The following DCUN1D1 variants were observed in gnomAD, a reference collection of about 807,000 sequenced individuals.
The protein encoded by DCUN1D1 is defective in cullin neddylation 1 domain containing 1, also known as DCN1-like protein 1.
Under a neutral mutation model 39.0 loss-of-function variants are expected in DCUN1D1, and 3 were observed. The ratio of observed to expected loss-of-function variants is 0.08; its 90% CI spans 0.04 to 0.20. The LOEUF (loss-of-function observed/expected upper bound fraction) is 0.20, where lower values mean the gene tolerates loss of function less well. DCUN1D1 is among the 10% of genes least tolerant of loss of function. The pLI, the probability that DCUN1D1 is intolerant of heterozygous loss-of-function variation, is 1.00. For synonymous variants in DCUN1D1, 82 were observed against 96.3 expected, an observed-to-expected ratio of 0.85 and a Z score of 0.87; for missense variants, 158 against 302.4, an observed-to-expected ratio of 0.52 and a Z score of 3.54.
At chr3:182,969,121 A>C (rs1467917161) in intron 1 of DCUN1D1, among the ~76,000 whole-genome samples, 1 of 152,132 alleles carries the variant, frequency 6.6e-6, no homozygotes, top group Non-Finnish European at 1.5e-5. Flanking sequence ...TTACACTTAC[A>C]ATGCACTCTT....
intron 1 of DCUN1D1, among the ~76,000 whole-genome samples, chr3:182,976,368 C>CT (rs1318623737): frequency 6.6e-6 from 1 of 151,716 alleles, no homozygotes; most frequent in East Asian, 1.9e-4. Flanking sequence ...CCACCCATGC[C>CT]TACCCCCACT....
chr3:182,940,063 TAA>T lies in DCUN1D1; in HGVS notation c.*5029_*5030del, dbSNP rs1367306904. ...TGATTAAATATTGCTCTTTTAGCTA[TAA>T]GTCATGTAATTATGTGACAAAATCA... On this transcript the variant is annotated 3_prime_UTR_variant, in exon 7 of 7. Transcript: ENST00000292782. 6.6e-6 allele frequency: 1 copy of T among 152,214 alleles called. No homozygotes were observed. The highest frequency in any genetic ancestry group is 1.9e-4 in the East Asian group (1 of 5,202). 9.4% of individuals were successfully genotyped at this position (152,214 alleles called of 1,614,324 possible). A position where few individuals can be genotyped will look rare whatever the true frequency, so the allele number is the denominator to read the frequency against.
At chr3:182,972,898 C>T (rs1272386095) in intron 1 of DCUN1D1, among the ~76,000 whole-genome samples, 1 of 152,016 alleles carries the variant, frequency 6.6e-6, no homozygotes, top group Non-Finnish European at 1.5e-5. Context: ...CAAAATTAGC[C>T]GGGCATGGTG....
chr3:182,953,140 C>A (rs1726843128), intron 4 of DCUN1D1, among the ~76,000 whole-genome samples: 2 of 152,198 alleles, frequency 1.3e-5, no homozygotes, highest in South Asian at 4.1e-4. Flanking sequence ...AATGTGCATT[C>A]ATTCTTCAAG....
chr3:182,980,540 G>A, upstream of DCUN1D1: 1 of 1,222,590 alleles, frequency 8.2e-7, no homozygotes. Context: ...GCAGCGAATG[G>A]ACGGCGGCGG....
upstream of DCUN1D1, chr3:182,980,556 G>A: frequency 3.3e-6 from 4 of 1,200,870 alleles, no homozygotes; most frequent in Non-Finnish European, 4.2e-6. Flanking sequence ...GGCGGCGGCG[G>A]CGGCTCCTCT....
intron 1 of DCUN1D1, among the ~76,000 whole-genome samples, chr3:182,972,476 C>A (rs558316624): frequency 3.3e-5 from 5 of 152,226 alleles, no homozygotes; most frequent in African/African-American, 9.6e-5. Context: ...GAAATTAACT[C>A]CTTTTTAAGA....
chr3:182,960,287 A>T (rs1727317181), intron 4 of DCUN1D1, among the ~76,000 whole-genome samples: 1 of 152,206 alleles, frequency 6.6e-6, no homozygotes, highest in Non-Finnish European at 1.5e-5. Flanking sequence ...CTCCAAAAAA[A>T]AAAATAAAAA....
chr3:182,963,881 C>A lies in DCUN1D1; in HGVS notation c.389G>T (p.Gly130Val). The A allele has an allele frequency of 5.6e-6, 9 of 1,606,444 alleles. No individual in the cohort carries two copies. The highest frequency in any genetic ancestry group is 6.8e-6 in the Non-Finnish European group (8 of 1,174,764). Residue 130 changes from glycine (G) to valine (V), a missense_variant and splice_region_variant, in exon 3 of 7, where the codon GGA becomes GTA. Around this residue, in one of 4 missense-constraint regions of DCUN1D1, gnomAD observed 107 missense variants for 174.7 expected, o/e 0.61. Transcript: ENST00000292782. ...TTTCCTATTGTAATTATATACTCAC[C>A]CTAATTCTGTCATGCCATCCATGAA... Reference protein sequence around the residue: ...QEFMDGMTELGCDSIEKLKAQ... With the variant: ...QEFMDGMTELVCDSIEKLKAQ...
chr3:182,985,696 C>T (rs992027386), intron 1 of DCUN1D1: 1 of 152,078 alleles, frequency 6.6e-6, no homozygotes, highest in Non-Finnish European at 1.5e-5. Context: ...CTTATCAGAA[C>T]GAAGGGGTAC....
chr3:182,974,866 CTA>C (rs1728139163), intron 1 of DCUN1D1, among the ~76,000 whole-genome samples: 1 of 151,224 alleles, frequency 6.6e-6, no homozygotes, highest in South Asian at 2.1e-4. Context: ...TAATAAAAGA[CTA>C]TTTCAGTGAT....
chr3:182,957,523 G>C (rs1467794926), intron 4 of DCUN1D1, among the ~76,000 whole-genome samples: 1 of 152,086 alleles, frequency 6.6e-6, no homozygotes, highest in Non-Finnish European at 1.5e-5. Context: ...CTACTCCGGA[G>C]GCAGAGGCAG....
At chr3:182,983,908 T>C (rs1432020663), upstream of DCUN1D1, among the ~76,000 whole-genome samples, 1 of 152,146 alleles carries the variant, frequency 6.6e-6, no homozygotes, top group Non-Finnish European at 1.5e-5. Context: ...TAGGCAAGTT[T>C]CTCCCCACAC....
upstream of DCUN1D1, among the ~76,000 whole-genome samples, chr3:182,981,444 G>A (rs1728547466): frequency 6.6e-6 from 1 of 152,232 alleles, no homozygotes; most frequent in Non-Finnish European, 1.5e-5. Flanking sequence ...TGAGGATCAA[G>A]TGGACAAATT....
intron 1 of DCUN1D1, among the ~76,000 whole-genome samples, chr3:182,972,942 T>C (rs897806805): frequency 2.0e-5 from 3 of 151,994 alleles, no homozygotes; most frequent in Admixed American, 2.0e-4. Context: ...CTCAGGAGGC[T>C]GAGGCAGGAA....
chr3:182,978,393 A>T (rs898122648), intron 1 of DCUN1D1, among the ~76,000 whole-genome samples: 5 of 151,866 alleles, frequency 3.3e-5, no homozygotes, highest in African/African-American at 7.3e-5. Flanking sequence ...CTTTCTTATT[A>T]TTTTTTTTAA....
In DCUN1D1 at chr3:182,947,365, G is replaced by T. The variant is rs776120432; in HGVS notation, c.604-31C>A. On this transcript the variant is annotated intron_variant, in intron 5 of 6. Coordinates refer to ENST00000292782, the MANE Select transcript of DCUN1D1 (RefSeq NM_020640.4). ...TAAAAAACAAAAACAAAATACATTT[G>T]TATCACTAAAAAGAGCTGCACAAAA... The T allele has an allele frequency of 2.8e-6, 4 of 1,445,024 alleles. No individual in the cohort carries two copies. In the East Asian group the frequency reaches 9.2e-5, roughly 33 times the overall value. 89.5% of individuals were successfully genotyped at this position (1,445,024 alleles called of 1,614,324 possible).
chr3:182,980,754 G>T, upstream of DCUN1D1: 1 of 177,258 alleles, frequency 5.6e-6, no homozygotes. Context: ...GGGGAGGGGC[G>T]GGCGACGCAA....
At chr3:182,983,315 TACTA>T (rs1728619486), upstream of DCUN1D1, among the ~76,000 whole-genome samples, 1 of 152,218 alleles carries the variant, frequency 6.6e-6, no homozygotes, top group Non-Finnish European at 1.5e-5. Flanking sequence ...CTGCGACACA[TACTA>T]ACTCATATAA....
Sources: gnomAD v4.1 joint callset for allele counts (sites outside exome capture counted in the v4.1 genomes callset) on GRCh38, gnomAD v4.1.1 for gene constraint, gnomAD v4.1.1 regional missense constraint, MANE v1.5 for transcripts, NCBI Gene and HGNC (gene_info 2026-07-23, HGNC 2026-07-21) for gene names.